ROBO1: variants seen among roughly 807,000 people sequenced by gnomAD.
ROBO1 encodes the protein roundabout homolog 1.
Under a neutral mutation model 195.9 loss-of-function variants are expected in ROBO1, and 149 were observed. The ratio of observed to expected loss-of-function variants is 0.76; its 90% CI spans 0.67 to 0.87. The LOEUF (loss-of-function observed/expected upper bound fraction) is 0.87, where lower values mean the gene tolerates loss of function less well. Ranked by LOEUF, ROBO1 falls within the 40% of genes least tolerant of loss-of-function variation. ROBO1 has a pLI of 0.00. For missense variants in ROBO1, 1,933 were observed against 2,068.3 expected (o/e 0.93, Z 1.27); for synonymous variants, 816 against 733.2 (o/e 1.11, Z -1.82).
At chr3:79,644,063 T>A (rs763173323) in intron 1 of ROBO1, among the ~76,000 whole-genome samples, 2 of 152,128 alleles carry the variant, frequency 1.3e-5, no homozygotes, top group Non-Finnish European at 2.9e-5. Flanking sequence ...GCTATAATTA[T>A]ATGAGATTAA....
intron 1 of ROBO1, among the ~76,000 whole-genome samples, chr3:79,737,301 G>T (rs1703431635): frequency 6.6e-6 from 1 of 152,136 alleles, no homozygotes; most frequent in Non-Finnish European, 1.5e-5. Flanking sequence ...GGAGGAGAAA[G>T]CAAATAATCA....
intron 2 of ROBO1, among the ~76,000 whole-genome samples, chr3:79,361,423 G>A (rs1218507776): frequency 6.6e-6 from 1 of 151,930 alleles, no homozygotes; most frequent in Non-Finnish European, 1.5e-5. Context: ...TCACTGAAAA[G>A]AAGTGAATAG....
At chr3:79,553,393 TAC>T (rs1301581361) in intron 2 of ROBO1, among the ~76,000 whole-genome samples, 2 of 152,060 alleles carry the variant, frequency 1.3e-5, no homozygotes, top group Non-Finnish European at 2.9e-5. Flanking sequence ...TTCACATAAA[TAC>T]ACAGGATACA....
chr3:78,707,145 C>A (rs192708260), intron 8 of ROBO1, among the ~76,000 whole-genome samples: 39 of 152,168 alleles, frequency 2.6e-4, no homozygotes, highest in Non-Finnish European at 5.3e-4. Flanking sequence ...AGGGGTCAAT[C>A]ATAAACTGCG....
chr3:78,918,365 G>A (rs777268601), intron 4 of ROBO1, among the ~76,000 whole-genome samples: 3 of 152,006 alleles, frequency 2.0e-5, no homozygotes, highest in Non-Finnish European at 2.9e-5. Context: ...CTCACAGGAT[G>A]AAAAAAATGT....
At position 78,693,621 on chromosome 3, in the gene ROBO1, A is replaced by T. The variant is rs184092014; in HGVS notation, c.1046-4849T>A. Among the ~76,000 whole-genome samples, 442 of 152,332 alleles carry T rather than the reference A, an allele frequency of 2.9e-3. 4 individuals are homozygous for T. The highest frequency in any genetic ancestry group is 2.4e-3 in the Non-Finnish European group (165 of 68,026). ...GGCAGAGCTACAATGAATGAGAGCTATAAAATTATAAAACATTTTAAAATA... is the reference window on the plus strand; with the variant it reads ...GGCAGAGCTACAATGAATGAGAGCTTTAAAATTATAAAACATTTTAAAATA... On this transcript the variant is annotated intron_variant, in intron 8 of 30. Coordinates refer to ENST00000464233, the MANE Select transcript of ROBO1 (RefSeq NM_002941.4).
intron 4 of ROBO1, among the ~76,000 whole-genome samples, chr3:78,785,554 C>T (rs2083808666): frequency 6.6e-6 from 1 of 152,084 alleles, no homozygotes; most frequent in Non-Finnish European, 1.5e-5. Flanking sequence ...GTATACTTGC[C>T]AAGCAGACAA....
At chr3:78,911,770 C>A (rs980401120) in intron 4 of ROBO1, among the ~76,000 whole-genome samples, 13 of 152,028 alleles carry the variant, frequency 8.6e-5, no homozygotes, top group South Asian at 4.1e-4. Flanking sequence ...GTAAACTACA[C>A]AGAACTACAG....
intron 2 of ROBO1, among the ~76,000 whole-genome samples, chr3:79,267,397 C>G (rs1337769836): frequency 6.6e-6 from 1 of 151,436 alleles, no homozygotes; most frequent in African/African-American, 2.4e-5. Flanking sequence ...TAAATTCAGT[C>G]AAGGTGATAG....
chr3:79,295,320 AC>A (rs1299516450), intron 2 of ROBO1, among the ~76,000 whole-genome samples: 4 of 152,202 alleles, frequency 2.6e-5, no homozygotes, highest in Non-Finnish European at 4.4e-5. Context: ...GAAGTTAGAA[AC>A]CATCATTCTC....
At chr3:79,754,945 A>C (rs918504657) in intron 1 of ROBO1, among the ~76,000 whole-genome samples, 1 of 152,148 alleles carries the variant, frequency 6.6e-6, no homozygotes, top group Non-Finnish European at 1.5e-5. Flanking sequence ...CAATGGTGTG[A>C]TATCGGCTCA....
At chr3:79,127,219 C>T (rs755931093) in intron 2 of ROBO1, among the ~76,000 whole-genome samples, 2 of 152,138 alleles carry the variant, frequency 1.3e-5, no homozygotes, top group African/African-American at 4.8e-5. Context: ...TTTTAAGCCA[C>T]ATCAGTGAGA....
At chr3:79,410,753 T>G (rs1226149044) in intron 2 of ROBO1, among the ~76,000 whole-genome samples, 1 of 152,056 alleles carries the variant, frequency 6.6e-6, no homozygotes, top group Non-Finnish European at 1.5e-5. Context: ...AGTAATAATT[T>G]GGTACTGGGA....
At chr3:79,299,963 C>T (rs768564456) in intron 2 of ROBO1, among the ~76,000 whole-genome samples, 1 of 152,082 alleles carries the variant, frequency 6.6e-6, no homozygotes, top group Non-Finnish European at 1.5e-5. Flanking sequence ...CTGTGAAATA[C>T]TTATTTAATA....
intron 2 of ROBO1, among the ~76,000 whole-genome samples, chr3:79,146,244 CG>C (rs1256143601): frequency 6.6e-6 from 1 of 151,872 alleles, no homozygotes; most frequent in African/African-American, 2.4e-5. Context: ...CATCACTCAC[CG>C]TGCAAAGGAG....
intron 3 of ROBO1, among the ~76,000 whole-genome samples, chr3:78,957,286 G>C (rs2041096338): frequency 6.0e-5 from 9 of 149,916 alleles, no homozygotes. Flanking sequence ...ACTAGATGCT[G>C]GTGATACAAG....
At chr3:79,689,298 T>C (rs941247273) in intron 1 of ROBO1, among the ~76,000 whole-genome samples, 2 of 152,032 alleles carry the variant, frequency 1.3e-5, no homozygotes, top group Admixed American at 6.6e-5. Flanking sequence ...AAATCTGTTT[T>C]ATTGTGAAAT....
At chr3:79,592,795 T>A (rs1248425584) in intron 1 of ROBO1, among the ~76,000 whole-genome samples, 1 of 152,082 alleles carries the variant, frequency 6.6e-6, no homozygotes, top group Non-Finnish European at 1.5e-5. Flanking sequence ...GTGTTGTGCA[T>A]TTTATGGGTT....
chr3:79,713,113 T>G lies in ROBO1; in HGVS notation c.-51+54639A>C, dbSNP rs377523972. On this transcript the variant is annotated intron_variant, in intron 1 of 30. Transcript: ENST00000464233. ...AGTATTTTAAGACCACTGTTGAGACTTATTGCTTGGAAAGAAAAGATCCTT... is the reference window on the plus strand; with the variant it reads ...AGTATTTTAAGACCACTGTTGAGACGTATTGCTTGGAAAGAAAAGATCCTT... 7.3e-4 allele frequency among the ~76,000 whole-genome samples: 110 copies of G among 150,906 alleles called. 3 individuals carry two copies. The South Asian group carries it at 0.023, about 31-fold the overall frequency.
Sources: allele counts gnomAD v4.1 joint callset (sites outside exome capture counted in the v4.1 genomes callset), GRCh38; gene constraint gnomAD v4.1.1; transcripts MANE v1.5; gene names NCBI Gene and HGNC (gene_info 2026-07-23, HGNC 2026-07-21).